OSBPL3: variants seen among roughly 807,000 people sequenced by gnomAD.
The protein encoded by OSBPL3 is oxysterol binding protein like 3.
OSBPL3 carries 65 observed loss-of-function variants against 120.1 expected under a neutral mutation model. The observed-to-expected ratio is 0.54, with a 90% CI of 0.44 to 0.67. The LOEUF (loss-of-function observed/expected upper bound fraction) is 0.67, where lower values mean the gene tolerates loss of function less well. Among genes scored for constraint, OSBPL3 ranks in the 30% least tolerant of loss-of-function variants. The pLI is 0.00. For missense variants in OSBPL3, 1,004 were observed against 1,082.1 expected (o/e 0.93, Z 1.01); for synonymous variants, 416 against 402.6 (o/e 1.03, Z -0.40).
At chr7:24,942,947 C>T (rs1469442873) in intron 1 of OSBPL3, among the ~76,000 whole-genome samples, 1 of 152,224 alleles carries the variant, frequency 6.6e-6, no homozygotes, top group Middle Eastern at 3.2e-3. Flanking sequence ...AACTGTGTGA[C>T]ACTGGAAATT....
intron 1 of OSBPL3, among the ~76,000 whole-genome samples, chr7:24,901,033 A>G (rs1251898472): frequency 2.0e-5 from 3 of 151,214 alleles, no homozygotes; most frequent in Non-Finnish European, 4.4e-5. Flanking sequence ...AAAAAAAAAA[A>G]AAAGAGAGAG....
chr7:24,864,559 G>A lies in OSBPL3; in HGVS notation c.673+783C>T, dbSNP rs189906394. ...CATGGTCCCAAGGGTGATATTACCT[G>A]TATTCAACAAGAGATAATGCAATTT... On this transcript the variant is annotated intron_variant, in intron 7 of 22. Transcript: ENST00000313367. Among the ~76,000 whole-genome samples, 17 of 152,316 alleles carry A rather than the reference G, an allele frequency of 1.1e-4. No individual in the cohort carries two copies. In the East Asian group the frequency reaches 3.3e-3, roughly 29 times the overall value.
rs1814686210 is a variant in OSBPL3, at chr7:24,953,466, C to T, written c.-150+26420G>A. On this transcript the variant is annotated intron_variant, in intron 1 of 22. Transcript: ENST00000313367. This position sits in a 1 kb window ranked among gnomAD's most constrained non-coding sequence, Gnocchi z 4.3. The stretch of plus-strand genomic sequence containing the variant: ...TAAAAAAAAAAGTATTACGTATCTG[C>T]TGAATTGTAATCAGACTTGAATAAT... 6.6e-6 allele frequency among the ~76,000 whole-genome samples: 1 copy of T among 152,146 alleles called. No homozygotes were observed.
intron 2 of OSBPL3, among the ~76,000 whole-genome samples, chr7:24,876,000 T>C (rs2128295868): frequency 6.6e-6 from 1 of 152,276 alleles, no homozygotes; most frequent in East Asian, 1.9e-4. Context: ...TTTAATATTT[T>C]CTTGTAAGTA....
At chr7:24,843,852 C>T (rs777371312) in intron 12 of OSBPL3, among the ~76,000 whole-genome samples, 1 of 152,182 alleles carries the variant, frequency 6.6e-6, no homozygotes, top group African/African-American at 2.4e-5. Context: ...TTGAAAACAT[C>T]GTAAGGAATA....
chr7:24,846,369 T>A (rs1798448261), intron 12 of OSBPL3, among the ~76,000 whole-genome samples: 2 of 152,246 alleles, frequency 1.3e-5, no homozygotes, highest in Admixed American at 6.5e-5. Context: ...TTAGTTCTCT[T>A]GTTTCTCAAA....
chr7:24,979,769 A>C, intron 1 of OSBPL3, 117 bp downstream of exon 1: 1 of 524,226 alleles, frequency 1.9e-6, no homozygotes, highest in Non-Finnish European at 2.4e-6. Flanking sequence ...CGACTCGGAC[A>C]GACCCCGGTC....
chr7:24,943,165 GC>G (rs893915458), intron 1 of OSBPL3, among the ~76,000 whole-genome samples: 10 of 152,306 alleles, frequency 6.6e-5, no homozygotes, highest in African/African-American at 2.4e-4. Context: ...GTCTATGGCA[GC>G]CCAGGGGTTC....
intron 14 of OSBPL3, among the ~76,000 whole-genome samples, chr7:24,836,975 C>A (rs1017627820): frequency 6.6e-6 from 1 of 151,794 alleles, no homozygotes; most frequent in Non-Finnish European, 1.5e-5. Flanking sequence ...GCTGGGACCA[C>A]AGATGCACAC....
intron 1 of OSBPL3, among the ~76,000 whole-genome samples, chr7:24,935,781 T>C (rs1028005982): frequency 6.6e-6 from 1 of 152,164 alleles, no homozygotes; most frequent in Non-Finnish European, 1.5e-5. Flanking sequence ...TTCTATTTTA[T>C]GTATTCTGGC....
rs1355070930 is a variant in OSBPL3 at position 24,912,574 on chromosome 7, C to T, written c.-149-19953G>A. On this transcript the variant is annotated intron_variant, in intron 1 of 22. Transcript: ENST00000313367. The surrounding 1 kb of genome is among the most constrained non-coding windows in gnomAD (Gnocchi z 4.5). ...CCTCACACCCAAAGACAGAACAGCC[C>T]CAGCACAGAACAATGACAATCATAG... Among the ~76,000 whole-genome samples the T allele has an allele frequency of 6.6e-6, 1 of 152,140 alleles. No individual in the cohort carries two copies. Among genetic ancestry groups the T allele is most frequent in the Non-Finnish European group, 1.5e-5 (1 of 68,018 alleles).
rs199562558 is a variant in OSBPL3, at chr7:24,865,513, T to C, written c.550-48A>G. 221 of 1,594,168 alleles carry C rather than the reference T, an allele frequency of 1.4e-4. No individual in the cohort carries two copies. The African/African-American group carries it at 1.7e-3, about 12-fold the overall frequency. The stretch of plus-strand genomic sequence containing the variant: ...ACATTGTAAATGGAAACAGAGCCCA[T>C]TGGGGACATGTTAAGACAAAGGATA... On this transcript the variant is annotated intron_variant, in intron 6 of 22. Coordinates refer to ENST00000313367, the MANE Select transcript of OSBPL3 (RefSeq NM_015550.4).
Position 24,833,922 on chromosome 7 carries a change from G to T in OSBPL3, c.1746+564C>A, listed in dbSNP as rs1796683308. 6.6e-6 allele frequency among the ~76,000 whole-genome samples: 1 copy of T among 152,090 alleles called. No individual in the cohort carries two copies. Among genetic ancestry groups the T allele is most frequent in the Non-Finnish European group, 1.5e-5 (1 of 68,016 alleles). ...GCTGATGCCCAGTAGGGAAGAGAAGGCTTTTCTACGATTTTTTTTAAGTAC... is the reference window on the plus strand; with the variant it reads ...GCTGATGCCCAGTAGGGAAGAGAAGTCTTTTCTACGATTTTTTTTAAGTAC... On this transcript the variant is annotated intron_variant, in intron 15 of 22. Transcript: ENST00000313367. The surrounding 1 kb of genome is among the most constrained non-coding windows in gnomAD (Gnocchi z 4.4).
intron 1 of OSBPL3, chr7:24,906,529 C>A (rs1807953314): frequency 6.0e-6 from 1 of 167,262 alleles, no homozygotes; most frequent in African/African-American, 2.4e-5. Context: ...TGTAGAGTAT[C>A]TTTTGCACAG....
At chr7:24,917,635 A>G (rs558422147) in intron 1 of OSBPL3, among the ~76,000 whole-genome samples, 4 of 151,972 alleles carry the variant, frequency 2.6e-5, no homozygotes, top group Admixed American at 2.6e-4. Flanking sequence ...CAAAAAGACT[A>G]AAGAATAAGA....
In OSBPL3 at chr7:24,892,373, T is replaced by C. The variant is rs775893597; in HGVS notation, c.96+4A>G. On this transcript the variant is annotated splice_donor_region_variant and intron_variant, in intron 2 of 22. Transcript: ENST00000313367. ...TATTAAAATTTGCATGAGTTAAACT[T>C]TACCTGTCGACTTCCTTGCTTGGAA... is the stretch of plus-strand genomic sequence containing the variant. The C allele has an allele frequency of 1.3e-5, 21 of 1,612,824 alleles. No individual in the cohort carries two copies. Among genetic ancestry groups the C allele is most frequent in the Non-Finnish European group, 1.8e-5 (21 of 1,178,998 alleles).
At chr7:24,885,152 G>A (rs1391210783) in intron 2 of OSBPL3, among the ~76,000 whole-genome samples, 2 of 150,912 alleles carry the variant, frequency 1.3e-5, no homozygotes, top group African/African-American at 4.9e-5. Context: ...AACCCAGGAG[G>A]CAGAGGTTGC....
intron 1 of OSBPL3, among the ~76,000 whole-genome samples, chr7:24,910,182 T>C (rs1164723829): frequency 6.6e-6 from 1 of 152,206 alleles, no homozygotes; most frequent in Non-Finnish European, 1.5e-5. Flanking sequence ...ATAGGATAGA[T>C]GGTAGACATC....
intron 1 of OSBPL3, among the ~76,000 whole-genome samples, chr7:24,929,485 G>A (rs543048269): frequency 4.6e-5 from 7 of 151,968 alleles, no homozygotes; most frequent in South Asian, 4.2e-4. Flanking sequence ...CAAAAATATC[G>A]CAGTACTTTC....
Sources: allele counts gnomAD v4.1 joint callset (sites outside exome capture counted in the v4.1 genomes callset), GRCh38; gene constraint gnomAD v4.1.1; non-coding constraint Gnocchi (gnomAD v3.1); transcripts MANE v1.5; gene names NCBI Gene and HGNC (gene_info 2026-07-23, HGNC 2026-07-21).